WDR82: variants seen among roughly 807,000 people sequenced by gnomAD.
WDR82 encodes WD repeat domain 82.
A neutral mutation model predicts 36.1 loss-of-function variants in WDR82; 8 were observed. The observed-to-expected ratio is 0.22, with a 90% CI of 0.13 to 0.40. The LOEUF is 0.40. Ranked by LOEUF, WDR82 falls within the 10% of genes least tolerant of loss-of-function variation. WDR82 has a pLI of 1.00. For synonymous variants in WDR82, 129 were observed against 137.8 expected (o/e 0.94, Z 0.45); for missense variants, 185 against 400.5 (o/e 0.46, Z 4.59).
Position 52,278,590 on chromosome 3 carries a change from C to A in WDR82, c.-229G>T. On this transcript the variant is annotated 5_prime_UTR_variant, in exon 1 of 9. Transcript: ENST00000296490. ...TTCGTCCTCACAGCCACCTCACGGA[C>A]AACCGGCGCGTCGCCGGCTCATTGT... is the stretch of plus-strand genomic sequence containing the variant. The A allele has an allele frequency of 2.5e-6, 1 of 407,868 alleles. No individual in the cohort carries two copies. The highest frequency in any genetic ancestry group is 1.2e-4 in the South Asian group (1 of 8,044). The allele number at this position is 407,868 out of a possible 1,614,324, so 25.3% of individuals were successfully genotyped here.
At chr3:52,277,352 A>T (rs1700214402) in intron 1 of WDR82, among the ~76,000 whole-genome samples, 1 of 152,074 alleles carries the variant, frequency 6.6e-6, no homozygotes, top group South Asian at 2.1e-4. Flanking sequence ...TCTCCAGATG[A>T]CTTGTGGCAA....
intron 3 of WDR82, among the ~76,000 whole-genome samples, chr3:52,265,906 C>A (rs1385881084): frequency 6.6e-6 from 1 of 152,128 alleles, no homozygotes; most frequent in Non-Finnish European, 1.5e-5. Flanking sequence ...AGGAGGCTCT[C>A]AGGCCATCTC....
chr3:52,257,396 T>G lies in WDR82; in HGVS notation c.*94A>C. The G allele has an allele frequency of 6.4e-7, 1 of 1,553,730 alleles. No individual in the cohort carries two copies. The highest frequency in any genetic ancestry group is 8.9e-7 in the Non-Finnish European group (1 of 1,125,762). On this transcript the variant is annotated 3_prime_UTR_variant, in exon 9 of 9. Transcript: ENST00000296490. ...TGTAAAAGGATGTTCTCCAGCCCAGTCAAATGATCCAATCCCACTATTATC... is the reference window on the plus strand; with the variant it reads ...TGTAAAAGGATGTTCTCCAGCCCAGGCAAATGATCCAATCCCACTATTATC...
In WDR82 at chr3:52,256,035, A is replaced by G. The variant is rs1176698905; in HGVS notation, c.*1455T>C. On this transcript the variant is annotated 3_prime_UTR_variant, in exon 9 of 9. Coordinates refer to ENST00000296490, the MANE Select transcript of WDR82 (RefSeq NM_025222.4). ...CACAAACCAGACATGGAAGCCATGC[A>G]AGAGTGACTATCACACACACACACA... 1 of 153,700 alleles carries G rather than the reference A, an allele frequency of 6.5e-6. No homozygotes were observed. The highest frequency in any genetic ancestry group is 2.4e-5 in the African/African-American group (1 of 41,420). 9.5% of individuals were successfully genotyped at this position (153,700 alleles called of 1,614,324 possible).
At chr3:52,277,417 G>GA (rs907247124) in intron 1 of WDR82, among the ~76,000 whole-genome samples, 21 of 148,462 alleles carry the variant, frequency 1.4e-4, no homozygotes, top group South Asian at 4.2e-4. Context: ...AAGTGTAATA[G>GA]AAAAAAAAAA....
At chr3:52,269,356 T>C (rs1700133411) in intron 2 of WDR82, among the ~76,000 whole-genome samples, 1 of 152,146 alleles carries the variant, frequency 6.6e-6, no homozygotes, top group Admixed American at 6.5e-5. Flanking sequence ...GCACCTGTAA[T>C]ACCAGCTACT....
chr3:52,262,771 G>C (rs1038506315), intron 3 of WDR82, among the ~76,000 whole-genome samples: 1 of 152,200 alleles, frequency 6.6e-6, no homozygotes, highest in African/African-American at 2.4e-5. Flanking sequence ...AGCTCCTCAA[G>C]TTAAAATTTT....
chr3:52,275,904 G>C (rs891550337), intron 1 of WDR82, among the ~76,000 whole-genome samples: 3 of 152,030 alleles, frequency 2.0e-5, no homozygotes, highest in Admixed American at 1.3e-4. Context: ...GAAAATCCAT[G>C]TTGAAGTGTT....
chr3:52,255,766 A>C lies in WDR82; in HGVS notation c.*1724T>G, dbSNP rs1470867641. Reference sequence around the variant, plus strand: ...GATCTGCAAGGAGTGTTGCCTGCATAAATGTTTGTTTAGGAACTTAGTAAA... The same window carrying C: ...GATCTGCAAGGAGTGTTGCCTGCATCAATGTTTGTTTAGGAACTTAGTAAA... On this transcript the variant is annotated 3_prime_UTR_variant, in exon 9 of 9. Transcript: ENST00000296490. 1 of 152,212 alleles carries C rather than the reference A, an allele frequency of 6.6e-6. No individual in the cohort carries two copies. The highest frequency in any genetic ancestry group is 6.5e-5 in the Admixed American group (1 of 15,274). 9.4% of individuals were successfully genotyped at this position (152,212 alleles called of 1,614,324 possible). A position where few individuals can be genotyped will look rare whatever the true frequency, so the allele number is the denominator to read the frequency against.
chr3:52,263,113 GCA>G (rs1448630883), intron 3 of WDR82, among the ~76,000 whole-genome samples: 2 of 152,208 alleles, frequency 1.3e-5, no homozygotes, highest in Non-Finnish European at 2.9e-5. Context: ...GGGAAACAGA[GCA>G]AGGCACCGTC....
At chr3:52,262,557 TG>T (rs1183488548) in intron 3 of WDR82, among the ~76,000 whole-genome samples, 4 of 152,210 alleles carry the variant, frequency 2.6e-5, no homozygotes, top group Non-Finnish European at 5.9e-5. Context: ...CCAGTAGGCC[TG>T]ACTTGGGGTC....
chr3:52,258,615 T>A lies in WDR82; in HGVS notation c.833A>T (p.Asp278Val). ...GGTAATCGGGCCTGTGTGTTTACCA[T>A]CCAACACAGCTACTTTTATACCGCT... Reference protein sequence around the residue: ...GESGIKVAVLDGKHTGPITCL... With the variant: ...GESGIKVAVLVGKHTGPITCL... Residue 278 changes from aspartate (D) to valine (V), a missense_variant, in exon 8 of 9, where the codon GAT becomes GTT. Physicochemically the swap from Asp to Val is radical, Grantham distance 152 (BLOSUM62 -3). This residue lies in a region of WDR82 where 110 missense variants were observed against 212.6 expected (regional missense o/e 0.52). Coordinates refer to ENST00000296490, the MANE Select transcript of WDR82 (RefSeq NM_025222.4). 6.2e-7 allele frequency: 1 copy of A among 1,614,218 alleles called. No homozygotes were observed. Among genetic ancestry groups the A allele is most frequent in the Non-Finnish European group, 8.5e-7 (1 of 1,180,036 alleles).
At chr3:52,258,218 A>C (rs1700029784) in intron 8 of WDR82, among the ~76,000 whole-genome samples, 1 of 152,250 alleles carries the variant, frequency 6.6e-6, no homozygotes, top group Admixed American at 6.5e-5. Flanking sequence ...TATTTTAAGG[A>C]GCAAAAAAAT....
chr3:52,277,959 C>T (rs1700221777), intron 1 of WDR82, among the ~76,000 whole-genome samples: 1 of 152,048 alleles, frequency 6.6e-6, no homozygotes, highest in Non-Finnish European at 1.5e-5. Flanking sequence ...ATGCATAGCG[C>T]TCAAAGGAGA....
At chr3:52,260,703 A>C (rs1578005462) in intron 4 of WDR82, among the ~76,000 whole-genome samples, 1 of 152,242 alleles carries the variant, frequency 6.6e-6, no homozygotes, top group East Asian at 1.9e-4. Flanking sequence ...AAAAAACATA[A>C]AACTAAAATG....
Position 52,254,646 on chromosome 3 carries a change from G to A in WDR82, c.*2844C>T, listed in dbSNP as rs143741958. The stretch of plus-strand genomic sequence containing the variant: ...AAAATTCCCATATTTTCCTTAATAA[G>A]CAGTAATTATAATTACAACGGGAAA... On this transcript the variant is annotated 3_prime_UTR_variant, in exon 9 of 9. Transcript: ENST00000296490. The A allele has an allele frequency of 1.6e-3, 242 of 152,676 alleles. No homozygotes were observed. The highest frequency in any genetic ancestry group is 5.2e-3 in the African/African-American group (216 of 41,532). The allele number at this position is 152,676 out of a possible 1,614,324, so 9.5% of individuals were successfully genotyped here. A position where few individuals can be genotyped will look rare whatever the true frequency, so the allele number is the denominator to read the frequency against.
At chr3:52,259,950 T>TA in intron 5 of WDR82, 78 bp from the exon 6 acceptor site, 5 of 1,488,092 alleles carry the variant, frequency 3.4e-6, no homozygotes, top group Non-Finnish European at 4.5e-6. Flanking sequence ...CCTATTCCTT[T>TA]AGATTACTTT....
intron 1 of WDR82, among the ~76,000 whole-genome samples, chr3:52,271,063 T>C (rs1700148886): frequency 6.6e-6 from 1 of 151,364 alleles, no homozygotes; most frequent in South Asian, 2.1e-4. Context: ...GGGATTCAAT[T>C]CAGTCTTTAC....
At chr3:52,266,836 C>T (rs558631663) in intron 3 of WDR82, 116 bp downstream of exon 3, 13 of 821,440 alleles carry the variant, frequency 1.6e-5, no homozygotes, top group Non-Finnish European at 2.4e-5. Context: ...ATGAAGAATG[C>T]CAAGCAGTAG....
Sources: gnomAD v4.1 joint callset for allele counts (sites outside exome capture counted in the v4.1 genomes callset) on GRCh38, gnomAD v4.1.1 for gene constraint, gnomAD v4.1.1 regional missense constraint, MANE v1.5 for transcripts, NCBI Gene and HGNC (gene_info 2026-07-23, HGNC 2026-07-21) for gene names.